ZFYVE28: variants seen among roughly 807,000 people sequenced by gnomAD.
The protein encoded by ZFYVE28 is lateral signaling target protein 2 homolog.
A neutral mutation model predicts 82.1 loss-of-function variants in ZFYVE28; 40 were observed. The ratio of observed to expected loss-of-function variants is 0.49; its 90% CI spans 0.38 to 0.63. ZFYVE28 has a LOEUF of 0.63. Ranked by LOEUF, ZFYVE28 falls within the 30% of genes least tolerant of loss-of-function variation. ZFYVE28 has a pLI of 0.00. For missense variants in ZFYVE28, 1,321 were observed against 1,242.1 expected, an observed-to-expected ratio of 1.06 and a Z score of -0.96; for synonymous variants, 612 against 546.1, an observed-to-expected ratio of 1.12 and a Z score of -1.68.
chr4:2,316,735 C>T (rs1350948166), intron 7 of ZFYVE28, among the ~76,000 whole-genome samples: 1 of 151,824 alleles, frequency 6.6e-6, no homozygotes, highest in African/African-American at 2.4e-5. Flanking sequence ...CTCTGTAGCC[C>T]AGGCTGGAGT....
chr4:2,334,412 C>A (rs1721240857), intron 6 of ZFYVE28, among the ~76,000 whole-genome samples: 1 of 151,980 alleles, frequency 6.6e-6, no homozygotes, highest in African/African-American at 2.4e-5. Flanking sequence ...CTGTCCCCTG[C>A]AGGCCCCGCC....
chr4:2,386,644 G>A (rs1729286635), intron 1 of ZFYVE28, among the ~76,000 whole-genome samples: 2 of 152,146 alleles, frequency 1.3e-5, no homozygotes, highest in Admixed American at 1.3e-4. Context: ...TGATGCCCTG[G>A]GACGCCTGGG....
rs1182012982 is a variant in ZFYVE28, at chr4:2,418,190, G to A, written c.39+95C>T. 8 of 1,255,714 alleles carry A rather than the reference G, an allele frequency of 6.4e-6. No individual in the cohort carries two copies. The highest frequency in any genetic ancestry group is 2.8e-5 in the South Asian group (2 of 70,222). 77.8% of individuals were successfully genotyped at this position (1,255,714 alleles called of 1,614,324 possible). A position where few individuals can be genotyped will look rare whatever the true frequency, so the allele number is the denominator to read the frequency against. On this transcript the variant is annotated intron_variant, in intron 1 of 12. Transcript: ENST00000290974. The surrounding 1 kb of genome is among the most constrained non-coding windows in gnomAD (Gnocchi z 4.6). ...TGGGGGAAGAGGCCGGCCACGGACA[G>A]GGAAAGGGAGTCCGTCTTGTAGGGC... is the stretch of plus-strand genomic sequence containing the variant.
chr4:2,397,393 G>C (rs1209467812), intron 1 of ZFYVE28, among the ~76,000 whole-genome samples: 1 of 149,192 alleles, frequency 6.7e-6, no homozygotes, highest in Non-Finnish European at 1.5e-5. Context: ...CAGGAGAATC[G>C]CTTGAACCCA....
At chr4:2,357,186 C>A (rs1725454035) in intron 1 of ZFYVE28, among the ~76,000 whole-genome samples, 1 of 152,212 alleles carries the variant, frequency 6.6e-6, no homozygotes, top group Non-Finnish European at 1.5e-5. Context: ...CGTGAGCCAC[C>A]GCACCCAGCG....
intron 6 of ZFYVE28, chr4:2,330,780 A>G: frequency 6.6e-7 from 1 of 1,522,960 alleles, no homozygotes; most frequent in Non-Finnish European, 8.8e-7. Context: ...TAGGGATAGG[A>G]CAGTCAAGGG....
At chr4:2,328,309 C>A (rs115211582) in intron 6 of ZFYVE28, among the ~76,000 whole-genome samples, 2,243 of 152,288 alleles carry the variant, frequency 0.015, 33 homozygotes, top group Admixed American at 0.039. Flanking sequence ...ACCAGAAAGA[C>A]AAATACCATA....
intron 1 of ZFYVE28, among the ~76,000 whole-genome samples, chr4:2,366,602 A>G (rs1024977902): frequency 6.6e-6 from 1 of 152,238 alleles, no homozygotes; most frequent in Non-Finnish European, 1.5e-5. Context: ...TGGAGTGTTC[A>G]GTGGCCCCAG....
intron 1 of ZFYVE28, among the ~76,000 whole-genome samples, chr4:2,369,839 T>TTTTTATTTTATTTTATTTA (rs1553857151): frequency 3.7e-4 from 52 of 139,604 alleles, no homozygotes; most frequent in Admixed American, 3.0e-4. Context: ...AGGGATTTTT[T>TTTTTATTTTATTTTATTTA]TTTTTCTTTT....
intron 2 of ZFYVE28, among the ~76,000 whole-genome samples, chr4:2,349,314 C>A (rs946333791): frequency 1.5e-5 from 2 of 134,094 alleles, no homozygotes; most frequent in Non-Finnish European, 3.0e-5. Context: ...GGGAATTGAA[C>A]AATGAGAACA....
At chr4:2,370,362 C>T (rs998343910) in intron 1 of ZFYVE28, among the ~76,000 whole-genome samples, 1 of 152,138 alleles carries the variant, frequency 6.6e-6, no homozygotes, top group South Asian at 2.1e-4. Context: ...GGCCTGAGCC[C>T]CCTGGACACA....
At chr4:2,373,844 C>T (rs984570876) in intron 1 of ZFYVE28, among the ~76,000 whole-genome samples, 1 of 152,220 alleles carries the variant, frequency 6.6e-6, no homozygotes, top group African/African-American at 2.4e-5. Context: ...CACGCCTCTC[C>T]ACTTTCAAAA....
At chr4:2,328,414 A>G (rs575951122) in intron 6 of ZFYVE28, 1 of 152,318 alleles carries the variant, frequency 6.6e-6, no homozygotes, top group South Asian at 2.1e-4. Flanking sequence ...GGGAATGGCC[A>G]AAGAGTATAA....
At chr4:2,400,544 G>A (rs2108672324) in intron 1 of ZFYVE28, among the ~76,000 whole-genome samples, 2 of 152,180 alleles carry the variant, frequency 1.3e-5, no homozygotes, top group South Asian at 4.1e-4. Context: ...TCTAGAGGGA[G>A]AACTAATAGG....
In ZFYVE28 at chr4:2,339,940, G is replaced by A. The variant is rs538396647; in HGVS notation, c.319-285C>T. ...GTAAGGGCAGGGGAGGGGAGGGCAG[G>A]GGAGGGGAGGGGAGGGGAAGGTGGA... On this transcript the variant is annotated intron_variant, in intron 3 of 12. Transcript: ENST00000290974. This position sits in a 1 kb window ranked among gnomAD's most constrained non-coding sequence, Gnocchi z 5.0. Among the ~76,000 whole-genome samples, 349 of 150,256 alleles carry A rather than the reference G, an allele frequency of 2.3e-3. 2 individuals carry two copies. Among genetic ancestry groups the A allele is most frequent in the African/African-American group, 8.2e-3 (336 of 41,182 alleles).
chr4:2,307,419 T>C (rs1450070830), intron 7 of ZFYVE28, among the ~76,000 whole-genome samples: 2 of 152,198 alleles, frequency 1.3e-5, no homozygotes. Flanking sequence ...TGATTAGTGC[T>C]TTGTGTCCTG....
Position 2,273,210 on chromosome 4 carries a change from G to C in ZFYVE28, c.2286C>G (p.Thr762=). The C allele has an allele frequency of 6.2e-7, 1 of 1,613,906 alleles. No homozygotes were observed. The highest frequency in any genetic ancestry group is 8.5e-7 in the Non-Finnish European group (1 of 1,179,908). ...TTTCCTTGTCGTCTGTTTCAGGCTTGGTGGCCATGACCTCAAACAGTGTTT... is the reference window on the plus strand; with the variant it reads ...TTTCCTTGTCGTCTGTTTCAGGCTTCGTGGCCATGACCTCAAACAGTGTTT... The part of the protein sequence containing the change: ...ILKTLFEVMA[T]KPETDDKEKL... The change falls in exon 10 of 13, where the codon ACC becomes ACG. Residue 762 remains threonine, a synonymous_variant. Transcript: ENST00000290974.
Position 2,335,159 on chromosome 4 carries a change from C to A in ZFYVE28, c.701+546G>T, listed in dbSNP as rs1298438730. 6.6e-6 allele frequency among the ~76,000 whole-genome samples: 1 copy of A among 151,910 alleles called. No homozygotes were observed. The highest frequency in any genetic ancestry group is 1.5e-5 in the Non-Finnish European group (1 of 67,976). On this transcript the variant is annotated intron_variant, in intron 6 of 12. Coordinates refer to ENST00000290974, the MANE Select transcript of ZFYVE28 (RefSeq NM_020972.3). The surrounding 1 kb of genome is among the most constrained non-coding windows in gnomAD (Gnocchi z 5.8). ...AGTTCCCTGCTCTCCCAGACGGCCCCGCTGGCAGGAAAGGTTCCACACAGG... is the reference window on the plus strand; with the variant it reads ...AGTTCCCTGCTCTCCCAGACGGCCCAGCTGGCAGGAAAGGTTCCACACAGG...
Position 2,339,340 on chromosome 4 carries a change from G to T in ZFYVE28, c.521+113C>A. The T allele has an allele frequency of 7.8e-7, 1 of 1,275,950 alleles. No individual in the cohort carries two copies. The highest frequency in any genetic ancestry group is 1.1e-6 in the Non-Finnish European group (1 of 918,770). 79.0% of individuals were successfully genotyped at this position (1,275,950 alleles called of 1,614,324 possible). ...CCCACAGGCGGCCCTGAACCTGCCT[G>T]GCTCCTCCCTCTGTGGAATTTTCCA... On this transcript the variant is annotated intron_variant, in intron 4 of 12. Coordinates refer to ENST00000290974, the MANE Select transcript of ZFYVE28 (RefSeq NM_020972.3). This position sits in a 1 kb window ranked among gnomAD's most constrained non-coding sequence, Gnocchi z 5.0.
Sources: allele counts gnomAD v4.1 joint callset (sites outside exome capture counted in the v4.1 genomes callset), GRCh38; gene constraint gnomAD v4.1.1; non-coding constraint Gnocchi (gnomAD v3.1); transcripts MANE v1.5; gene names NCBI Gene and HGNC (gene_info 2026-07-23, HGNC 2026-07-21).